Variants in LTBP1 observed in about 807,000 individuals in gnomAD.
The protein encoded by LTBP1 is latent-transforming growth factor beta-binding protein 1.
A neutral mutation model predicts 207.6 loss-of-function variants in LTBP1; 129 were observed. That is an observed-to-expected ratio of 0.62 (90% CI 0.54 to 0.72). The LOEUF (loss-of-function observed/expected upper bound fraction) is 0.72. LTBP1 is among the 30% of genes least tolerant of loss of function. The pLI is 0.00. For synonymous variants in LTBP1, 963 were observed against 833.7 expected (o/e 1.16, Z -2.67); for missense variants, 2,281 against 2,217.2 (o/e 1.03, Z -0.58).
chr2:33,320,562 T>A (rs182915870), intron 24 of LTBP1, among the ~76,000 whole-genome samples: 131 of 152,276 alleles, frequency 8.6e-4, no homozygotes, highest in Admixed American at 1.5e-3. Context: ...TGAAGCCATA[T>A]GAAGTGCCTG....
At position 32,947,763 on chromosome 2, in the gene LTBP1, A is replaced by T. The variant is rs1192157269; in HGVS notation, c.439A>T (p.Thr147Ser). 6 of 1,520,550 alleles carry T rather than the reference A, an allele frequency of 3.9e-6. No homozygotes were observed. Among genetic ancestry groups the T allele is most frequent in the Non-Finnish European group, 5.3e-6 (6 of 1,132,824 alleles). 94.2% of individuals were successfully genotyped at this position (1,520,550 alleles called of 1,614,324 possible). ...TGTGCGCTCCAAGGTGCCGCAGGAGACCCAGAGCGGCGGAGGCTCTAGGCT... is the reference window on the plus strand; with the variant it reads ...TGTGCGCTCCAAGGTGCCGCAGGAGTCCCAGAGCGGCGGAGGCTCTAGGCT... ...QVVRSKVPQE[T>S]QSGGGSRLQV... The change falls in exon 1 of 34, where the codon ACC becomes TCC. Residue 147 changes from threonine (T) to serine (S), a missense_variant. Physicochemically the swap from Thr to Ser is moderately conservative, Grantham distance 58. Coordinates refer to ENST00000404816, the MANE Select transcript of LTBP1 (RefSeq NM_206943.4).
chr2:33,073,294 T>G (rs915920953), intron 3 of LTBP1, among the ~76,000 whole-genome samples: 6 of 152,094 alleles, frequency 3.9e-5, no homozygotes, highest in South Asian at 4.1e-4. Context: ...TTGTTTTTGT[T>G]TTTTTATTTT....
intron 3 of LTBP1, among the ~76,000 whole-genome samples, chr2:33,034,596 C>T (rs1051510817): frequency 2.0e-5 from 3 of 152,116 alleles, no homozygotes; most frequent in African/African-American, 7.2e-5. Context: ...AGGAATTCTT[C>T]CCTGGTCTGG....
chr2:33,070,321 T>C (rs978535493), intron 3 of LTBP1, among the ~76,000 whole-genome samples: 2 of 152,202 alleles, frequency 1.3e-5, no homozygotes, highest in African/African-American at 4.8e-5. Context: ...CATGGCAAGG[T>C]GACGGTGGCC....
At chr2:33,259,506 TCTA>T in intron 12 of LTBP1, 79 bp from the exon 13 acceptor site, 2 of 974,662 alleles carry the variant, frequency 2.1e-6, no homozygotes, top group Non-Finnish European at 3.0e-6. Flanking sequence ...ATAATGGACT[TCTA>T]TTGTTTTTTA....
intron 2 of LTBP1, among the ~76,000 whole-genome samples, chr2:32,966,211 C>T (rs576507487): frequency 6.6e-6 from 1 of 152,014 alleles, no homozygotes; most frequent in South Asian, 2.1e-4. Flanking sequence ...TTTTAAGGTT[C>T]TTTGCATATT....
At chr2:33,150,516 C>T (rs1169240361) in intron 5 of LTBP1, among the ~76,000 whole-genome samples, 2 of 151,652 alleles carry the variant, frequency 1.3e-5, no homozygotes, top group Non-Finnish European at 2.9e-5. Flanking sequence ...CATATAATAA[C>T]TTTTCATCAT....
intron 2 of LTBP1, among the ~76,000 whole-genome samples, chr2:32,950,325 G>T (rs761413807): frequency 4.6e-5 from 7 of 152,168 alleles, no homozygotes; most frequent in Non-Finnish European, 7.3e-5. Flanking sequence ...GGGAGGCCAA[G>T]GTGGGTGGAT....
At chr2:33,037,649 C>T (rs2075989440) in intron 3 of LTBP1, among the ~76,000 whole-genome samples, 1 of 152,012 alleles carries the variant, frequency 6.6e-6, no homozygotes, top group Admixed American at 6.6e-5. Context: ...TTTCCTTGTT[C>T]ATTTTGTGAT....
chr2:33,381,473 A>G (rs2095213946), intron 31 of LTBP1, among the ~76,000 whole-genome samples: 1 of 152,192 alleles, frequency 6.6e-6, no homozygotes, highest in African/African-American at 2.4e-5. Context: ...TAGAGTATTA[A>G]CATTTACAGG....
chr2:33,268,138 C>A (rs2093229369), intron 15 of LTBP1, among the ~76,000 whole-genome samples: 1 of 152,214 alleles, frequency 6.6e-6, no homozygotes. Flanking sequence ...TTTAGAGCTA[C>A]ACTATACATA....
chr2:33,021,240 C>A, intron 3 of LTBP1, 34 bp downstream of exon 3: 3 of 1,538,236 alleles, frequency 2.0e-6, no homozygotes, highest in Non-Finnish European at 8.8e-7. Context: ...AGCTAAGGAT[C>A]ATCTTAATTA....
chr2:33,231,340 C>T (rs1289903994), intron 9 of LTBP1, among the ~76,000 whole-genome samples: 1 of 152,190 alleles, frequency 6.6e-6, no homozygotes, highest in Non-Finnish European at 1.5e-5. Flanking sequence ...ATTACCAAAA[C>T]TTTCAGCCTA....
chr2:33,008,115 T>G (rs745745084), intron 2 of LTBP1, among the ~76,000 whole-genome samples: 3 of 152,262 alleles, frequency 2.0e-5, no homozygotes, highest in Admixed American at 6.5e-5. Context: ...AAGCTTATTT[T>G]TTATTGCCCC....
chr2:33,056,879 C>T (rs2077027304), intron 3 of LTBP1, among the ~76,000 whole-genome samples: 1 of 152,058 alleles, frequency 6.6e-6, no homozygotes, highest in Admixed American at 6.5e-5. Flanking sequence ...TTATCCGGCC[C>T]CACCCACATC....
At chr2:33,194,136 G>A (rs1288772093) in intron 7 of LTBP1, among the ~76,000 whole-genome samples, 4 of 152,006 alleles carry the variant, frequency 2.6e-5, no homozygotes, top group African/African-American at 4.8e-5. Context: ...ACAGGCGCCC[G>A]CCACCACGCC....
intron 31 of LTBP1, among the ~76,000 whole-genome samples, chr2:33,371,829 A>C (rs2095071117): frequency 6.6e-6 from 1 of 152,212 alleles, no homozygotes; most frequent in African/African-American, 2.4e-5. Context: ...CGAAATATTA[A>C]GGGGAAAATT....
chr2:33,204,673 G>A (rs114366540), intron 7 of LTBP1, among the ~76,000 whole-genome samples: 4,661 of 151,992 alleles, frequency 0.031, 101 homozygotes, highest in Middle Eastern at 0.14. Flanking sequence ...TCAAACTCTC[G>A]GGCTCAAGTG....
At chr2:33,254,858 T>TTG (rs2092797600) in intron 11 of LTBP1, among the ~76,000 whole-genome samples, 7 of 96,822 alleles carry the variant, frequency 7.2e-5, no homozygotes, top group Non-Finnish European at 1.2e-4. Context: ...TTTGGTTTTT[T>TTG]TTTTTTTTTT....
Sources: allele counts gnomAD v4.1 joint callset (sites outside exome capture counted in the v4.1 genomes callset), GRCh38; gene constraint gnomAD v4.1.1; transcripts MANE v1.5; gene names NCBI Gene and HGNC (gene_info 2026-07-23, HGNC 2026-07-21).